SLIT2: variants seen among roughly 807,000 people sequenced by gnomAD.
SLIT2 encodes the protein slit guidance ligand 2.
A neutral mutation model predicts 185.7 loss-of-function variants in SLIT2; 41 were observed. That is an observed-to-expected ratio of 0.22 (90% CI 0.17 to 0.29). The LOEUF is 0.29. Ranked by LOEUF, SLIT2 falls within the 10% of genes least tolerant of loss-of-function variation. The probability of loss-of-function intolerance (pLI) is 1.00; values close to 1 mark genes in which losing one functional copy is unlikely to be tolerated. For synonymous variants in SLIT2, 693 were observed against 680.2 expected (o/e 1.02, Z -0.29); for missense variants, 1,571 against 1,909.0 (o/e 0.82, Z 3.30).
At chr4:20,272,502 T>C (rs1464598284) in intron 4 of SLIT2, among the ~76,000 whole-genome samples, 2 of 152,122 alleles carry the variant, frequency 1.3e-5, no homozygotes, top group African/African-American at 4.8e-5. Context: ...ATCTTCCTGA[T>C]AAGTGTAACC....
At position 20,381,052 on chromosome 4, in the gene SLIT2, A is replaced by C. The variant is rs567191771; in HGVS notation, c.396-86700A>C. On this transcript the variant is annotated intron_variant, in intron 4 of 36. Coordinates refer to ENST00000504154, the MANE Select transcript of SLIT2 (RefSeq NM_004787.4). The stretch of plus-strand genomic sequence containing the variant: ...GTGGATCACCTGAAGTCAGGAGTTC[A>C]AGACCAGCCTGGCCAACATGGCGAA... Among the ~76,000 whole-genome samples the C allele has an allele frequency of 5.7e-4, 86 of 152,178 alleles. No homozygotes were observed. The South Asian group carries it at 0.015, about 26-fold the overall frequency.
chr4:20,529,971 T>C (rs967436842), intron 16 of SLIT2, among the ~76,000 whole-genome samples: 3 of 152,216 alleles, frequency 2.0e-5, no homozygotes, highest in African/African-American at 7.2e-5. Flanking sequence ...TTGTGTGTTA[T>C]TGTTTATCTC....
rs138182054 is a variant in SLIT2, at chr4:20,290,776, A to G, written c.395+21895A>G. On this transcript the variant is annotated intron_variant, in intron 4 of 36. Transcript: ENST00000504154. ...CATGGTTTTTTTTTTTTTTCTGATTACACTCATGATTTACAGAAGAAAGGT... is the reference window on the plus strand; with the variant it reads ...CATGGTTTTTTTTTTTTTTCTGATTGCACTCATGATTTACAGAAGAAAGGT... Among the ~76,000 whole-genome samples the G allele has an allele frequency of 1.9e-3, 272 of 142,916 alleles. 1 individual carries two copies. Among genetic ancestry groups the G allele is most frequent in the African/African-American group, 5.7e-3 (220 of 38,658 alleles). 93.8% of individuals were successfully genotyped at this position (142,916 alleles called of 152,430 possible).
chr4:20,323,190 T>C (rs1719255872), intron 4 of SLIT2, among the ~76,000 whole-genome samples: 1 of 130,202 alleles, frequency 7.7e-6, no homozygotes, highest in African/African-American at 2.7e-5. Flanking sequence ...TTGTAAATAA[T>C]TTCAGCTAAA....
At chr4:20,485,665 C>G (rs1044020086) in intron 6 of SLIT2, among the ~76,000 whole-genome samples, 1 of 152,180 alleles carries the variant, frequency 6.6e-6, no homozygotes, top group Non-Finnish European at 1.5e-5. Flanking sequence ...GTAGATATAG[C>G]TGTTTCCACT....
At chr4:20,601,165 C>A (rs1392531839) in intron 33 of SLIT2, among the ~76,000 whole-genome samples, 1 of 152,142 alleles carries the variant, frequency 6.6e-6, no homozygotes, top group African/African-American at 2.4e-5. Context: ...ATTTCAATGT[C>A]ATTACCACTC....
At chr4:20,550,615 T>G (rs1345413113) in intron 24 of SLIT2, among the ~76,000 whole-genome samples, 2 of 152,248 alleles carry the variant, frequency 1.3e-5, no homozygotes, top group South Asian at 2.1e-4. Flanking sequence ...TTACATTTAA[T>G]TCTTCATTCT....
intron 22 of SLIT2, among the ~76,000 whole-genome samples, chr4:20,546,558 T>G (rs2148885709): frequency 6.6e-6 from 1 of 152,232 alleles, no homozygotes. Context: ...AAGTTATGGG[T>G]TTCCAGTATT....
chr4:20,603,853 G>C (rs1728589236), intron 33 of SLIT2, among the ~76,000 whole-genome samples: 2 of 152,170 alleles, frequency 1.3e-5, no homozygotes, highest in South Asian at 2.1e-4. Context: ...AGTCTCATTG[G>C]GGAGACAGAG....
intron 18 of SLIT2, among the ~76,000 whole-genome samples, chr4:20,536,858 T>G (rs567149235): frequency 6.6e-6 from 1 of 152,286 alleles, no homozygotes; most frequent in East Asian, 1.9e-4. Context: ...TTACTTACTT[T>G]TGCATTTTTA....
intron 4 of SLIT2, among the ~76,000 whole-genome samples, chr4:20,347,581 C>A (rs1192755097): frequency 6.6e-6 from 1 of 152,142 alleles, no homozygotes; most frequent in African/African-American, 2.4e-5. Flanking sequence ...ATATGAGTGG[C>A]AAATATGTCA....
chr4:20,284,337 A>G (rs996996546), intron 4 of SLIT2, among the ~76,000 whole-genome samples: 7 of 152,226 alleles, frequency 4.6e-5, no homozygotes, highest in African/African-American at 1.7e-4. Context: ...GCTAATTCTT[A>G]TATTGTCATT....
chr4:20,388,885 A>T (rs1725164569), intron 4 of SLIT2, among the ~76,000 whole-genome samples: 1 of 145,200 alleles, frequency 6.9e-6, no homozygotes, highest in Admixed American at 7.0e-5. Context: ...AATATATATA[A>T]AACATAATAT....
chr4:20,385,026 C>T (rs527857396), intron 4 of SLIT2, among the ~76,000 whole-genome samples: 1 of 152,234 alleles, frequency 6.6e-6, no homozygotes, highest in East Asian at 1.9e-4. Context: ...TTTCCTGCTC[C>T]TACTTTCTGA....
chr4:20,609,619 C>T (rs1729053819), intron 33 of SLIT2, among the ~76,000 whole-genome samples: 1 of 152,184 alleles, frequency 6.6e-6, no homozygotes, highest in East Asian at 1.9e-4. Flanking sequence ...GTTTTTGGCA[C>T]AGGCCTAGTT....
chr4:20,331,682 C>T lies in SLIT2; in HGVS notation c.395+62801C>T, dbSNP rs1432600871. Among the ~76,000 whole-genome samples, 7 of 152,066 alleles carry T rather than the reference C, an allele frequency of 4.6e-5. No homozygotes were observed. The East Asian group carries it at 9.7e-4, about 21-fold the overall frequency. Reference sequence around the variant, plus strand: ...ATTCAGCCTTTTAGAGTATGTAACTCGGTGGTTTTATTATATTCATAGAGT... The same window carrying T: ...ATTCAGCCTTTTAGAGTATGTAACTTGGTGGTTTTATTATATTCATAGAGT... On this transcript the variant is annotated intron_variant, in intron 4 of 36. Coordinates refer to ENST00000504154, the MANE Select transcript of SLIT2 (RefSeq NM_004787.4).
intron 3 of SLIT2, among the ~76,000 whole-genome samples, chr4:20,260,729 G>A (rs1712363440): frequency 6.6e-6 from 1 of 151,764 alleles, no homozygotes; most frequent in Admixed American, 6.6e-5. Context: ...ATTGTAGCAT[G>A]GAATGGCAAA....
chr4:20,522,573 G>A (rs1455932827), intron 12 of SLIT2, among the ~76,000 whole-genome samples: 1 of 152,132 alleles, frequency 6.6e-6, no homozygotes, highest in Non-Finnish European at 1.5e-5. Flanking sequence ...AGAGAGCAGA[G>A]TACATGCTGA....
Position 20,491,823 on chromosome 4 carries a change from A to G in SLIT2, c.838A>G (p.Ser280Gly), listed in dbSNP as rs1288593585. 1 of 1,613,812 alleles carries G rather than the reference A, an allele frequency of 6.2e-7. No individual in the cohort carries two copies. Among genetic ancestry groups the G allele is most frequent in the Non-Finnish European group, 8.5e-7 (1 of 1,179,910 alleles). The change falls in exon 9 of 37, where the codon AGC becomes GGC. Residue 280 changes from serine (S) to glycine (G), a missense_variant. Ser to Gly is a moderately conservative substitution (Grantham distance 56). Coordinates refer to ENST00000504154, the MANE Select transcript of SLIT2 (RefSeq NM_004787.4). The stretch of plus-strand genomic sequence containing the variant: ...GCACTGCCCTGCCGCCTGTACCTGT[A>G]GCAACAATATCGTAGACTGTCGTGG... ...VLHCPAACTC[S>G]NNIVDCRGKG...
Sources: gnomAD v4.1 joint callset for allele counts (sites outside exome capture counted in the v4.1 genomes callset) on GRCh38, gnomAD v4.1.1 for gene constraint, MANE v1.5 for transcripts, NCBI Gene and HGNC (gene_info 2026-07-23, HGNC 2026-07-21) for gene names.